The following ATF3 variants were observed in gnomAD, a reference collection of about 807,000 sequenced individuals.
ATF3 encodes the protein activating transcription factor 3.
Under a neutral mutation model 18.4 loss-of-function variants are expected in ATF3, and 10 were observed. The ratio of observed to expected loss-of-function variants is 0.54; its 90% CI spans 0.34 to 0.92. The LOEUF (loss-of-function observed/expected upper bound fraction) is 0.92. Among genes scored for constraint, ATF3 ranks in the 40% least tolerant of loss-of-function variants. ATF3 has a pLI of 0.02. For missense variants in ATF3, 183 were observed against 222.3 expected (o/e 0.82, Z 1.12); for synonymous variants, 78 against 87.9 (o/e 0.89, Z 0.63).
At chr1:212,585,139 A>T (rs1317482) in intron 1 of ATF3, among the ~76,000 whole-genome samples, 9 of 152,050 alleles carry the variant, frequency 5.9e-5, no homozygotes, top group Admixed American at 6.5e-5. Flanking sequence ...ATAGTGAGGC[A>T]GATCCACAGG....
chr1:212,588,422 G>A (rs73075893), intron 1 of ATF3, among the ~76,000 whole-genome samples: 1,639 of 150,814 alleles, frequency 0.011, 25 homozygotes, highest in African/African-American at 0.037. Context: ...TGTCACCACC[G>A]GGACACAAAA....
At chr1:212,584,777 C>T (rs1429162187) in intron 1 of ATF3, among the ~76,000 whole-genome samples, 7 of 152,176 alleles carry the variant, frequency 4.6e-5, no homozygotes, top group Non-Finnish European at 1.0e-4. Flanking sequence ...TAAAGTTGTC[C>T]CTCACTTTCC....
At chr1:212,585,118 G>A (rs960443803) in intron 1 of ATF3, among the ~76,000 whole-genome samples, 2 of 152,222 alleles carry the variant, frequency 1.3e-5, no homozygotes, top group African/African-American at 4.8e-5. Flanking sequence ...GGGACAGAGA[G>A]AAGTGCCTGA....
chr1:212,617,923 G>T (rs758405604), intron 2 of ATF3, among the ~76,000 whole-genome samples: 18 of 143,884 alleles, frequency 1.3e-4, no homozygotes, highest in Non-Finnish European at 6.1e-5. Flanking sequence ...GATTTTTGTT[G>T]TTCACTCACG....
In ATF3 at chr1:212,615,056, C is replaced by T. The variant is rs150994933; in HGVS notation, c.35C>T (p.Ser12Leu). The T allele has an allele frequency of 5.1e-5, 83 of 1,614,176 alleles. No homozygotes were observed. The African/African-American group carries it at 7.2e-4, about 14-fold the overall frequency. Residue 12 changes from serine (S) to leucine (L), a missense_variant, in exon 2 of 4, where the codon TCG becomes TTG. Coordinates refer to ENST00000341491, the MANE Select transcript of ATF3 (RefSeq NM_001674.4). ...MLQHPGQVSASEVSASAIVPC... is the reference protein window; with the variant it reads ...MLQHPGQVSALEVSASAIVPC... ...CAACACCCAGGCCAGGTCTCTGCCT[C>T]GGAAGTGAGTGCTTCTGCCATCGTC...
At chr1:212,580,273 C>T (rs1282377313) in intron 1 of ATF3, among the ~76,000 whole-genome samples, 1 of 151,984 alleles carries the variant, frequency 6.6e-6, no homozygotes, top group Non-Finnish European at 1.5e-5. Context: ...AGTGTGAGCT[C>T]TATTGGGAGG....
In ATF3 at chr1:212,618,262, T is replaced by A. The variant is rs1466664981; in HGVS notation, c.348+28T>A. ...GAGTGCCTTCTAGCCTTACCCTTCC[T>A]CTCGCTCACGCCTGTCTTCACCAGC... On this transcript the variant is annotated intron_variant, in intron 3 of 3. Coordinates refer to ENST00000341491, the MANE Select transcript of ATF3 (RefSeq NM_001674.4). The surrounding 1 kb of genome is among the most constrained non-coding windows in gnomAD (Gnocchi z 4.4). 13 of 1,604,738 alleles carry A rather than the reference T, an allele frequency of 8.1e-6. No homozygotes were observed. Among genetic ancestry groups the A allele is most frequent in the Non-Finnish European group, 1.1e-5 (13 of 1,171,538 alleles).
chr1:212,583,143 T>C (rs750601884), intron 1 of ATF3, among the ~76,000 whole-genome samples: 1 of 152,148 alleles, frequency 6.6e-6, no homozygotes. Flanking sequence ...AAAATGAAAA[T>C]GGGCTTCATA....
intron 1 of ATF3, among the ~76,000 whole-genome samples, chr1:212,569,665 ATTC>A (rs765278827): frequency 3.4e-4 from 51 of 152,192 alleles, no homozygotes; most frequent in Non-Finnish European, 5.4e-4. Flanking sequence ...CCTCATAAGA[ATTC>A]TTCTTCTTCT....
At chr1:212,579,805 C>A (rs1167959013) in intron 1 of ATF3, among the ~76,000 whole-genome samples, 1 of 152,050 alleles carries the variant, frequency 6.6e-6, no homozygotes, top group Non-Finnish European at 1.5e-5. Context: ...CAGATCCCAG[C>A]CGATGTGGAG....
chr1:212,594,754 G>T (rs939419617), intron 1 of ATF3, among the ~76,000 whole-genome samples: 2 of 152,228 alleles, frequency 1.3e-5, no homozygotes, highest in African/African-American at 2.4e-5. Flanking sequence ...TTAGGGTTGT[G>T]GGAGATGCAG....
chr1:212,586,019 G>A (rs985570614), intron 1 of ATF3, among the ~76,000 whole-genome samples: 2 of 152,166 alleles, frequency 1.3e-5, no homozygotes, highest in African/African-American at 2.4e-5. Context: ...TCCCAAAATT[G>A]TTGGGTCCTC....
intron 1 of ATF3, among the ~76,000 whole-genome samples, chr1:212,584,238 A>T (rs899568264): frequency 3.5e-4 from 53 of 152,214 alleles, no homozygotes; most frequent in African/African-American, 1.1e-3. Flanking sequence ...AGTTCTGAGC[A>T]TCCTGAAAGC....
intron 1 of ATF3, chr1:212,613,810 T>C (rs1654991085): frequency 6.6e-6 from 1 of 152,324 alleles, no homozygotes; most frequent in Non-Finnish European, 1.5e-5. Context: ...CCAAGACTTA[T>C]GGGGGACTCT....
upstream of ATF3, chr1:212,608,677 C>T (rs1319936939): frequency 6.6e-6 from 1 of 152,360 alleles, no homozygotes; most frequent in Non-Finnish European, 1.5e-5. Flanking sequence ...AGCATTACGT[C>T]AGCCTGGGAC....
At chr1:212,604,053 A>G (rs1654557118), upstream of ATF3, among the ~76,000 whole-genome samples, 1 of 152,186 alleles carries the variant, frequency 6.6e-6, no homozygotes, top group Admixed American at 6.5e-5. Flanking sequence ...CATAATGACA[A>G]AAAAATTATA....
chr1:212,574,023 A>C (rs527553251), intron 1 of ATF3, among the ~76,000 whole-genome samples: 8 of 151,164 alleles, frequency 5.3e-5, no homozygotes, highest in African/African-American at 1.9e-4. Flanking sequence ...TTAATTCCGT[A>C]AGTTTTCCTA....
intron 1 of ATF3, among the ~76,000 whole-genome samples, chr1:212,569,282 A>C (rs1414392871): frequency 6.6e-6 from 1 of 152,200 alleles, no homozygotes; most frequent in Non-Finnish European, 1.5e-5. Flanking sequence ...GAGATAAGAG[A>C]AACTGATTAA....
upstream of ATF3, among the ~76,000 whole-genome samples, chr1:212,603,776 A>ATG (rs145857442): frequency 0.076 from 11,393 of 149,510 alleles, 455 homozygotes; most frequent in East Asian, 0.12. Context: ...GTGTATATAT[A>ATG]TGTGTGTGTG....
Sources: allele counts gnomAD v4.1 joint callset (sites outside exome capture counted in the v4.1 genomes callset), GRCh38; gene constraint gnomAD v4.1.1; non-coding constraint Gnocchi (gnomAD v3.1); transcripts MANE v1.5; gene names NCBI Gene and HGNC (gene_info 2026-07-23, HGNC 2026-07-21).